DUSP26: variants seen among roughly 807,000 people sequenced by gnomAD.
DUSP26 encodes dual specificity protein phosphatase 26.
In DUSP26, 12 loss-of-function variants were observed where a neutral mutation model predicts 20.0. That is an observed-to-expected ratio of 0.60 (90% CI 0.38 to 0.97). The LOEUF (loss-of-function observed/expected upper bound fraction) is 0.97. Among genes scored for constraint, DUSP26 ranks in the 50% least tolerant of loss-of-function variants. DUSP26 has a pLI of 0.00. For missense variants in DUSP26, 230 were observed against 294.0 expected (o/e 0.78, Z 1.59); for synonymous variants, 120 against 118.8 (o/e 1.01, Z -0.06).
At chr8:33,595,570 G>A (rs914788023) in intron 2 of DUSP26, among the ~76,000 whole-genome samples, 2 of 151,872 alleles carry the variant, frequency 1.3e-5, no homozygotes, top group African/African-American at 4.8e-5. Flanking sequence ...TAGTAGAGAC[G>A]GGGTTTCACT....
At chr8:33,593,497 C>G (rs1180085621) in intron 3 of DUSP26, 36 bp downstream of exon 3, 2 of 1,596,504 alleles carry the variant, frequency 1.3e-6, no homozygotes. Context: ...ATTCCAGGCA[C>G]CCTGTTCTTT....
At chr8:33,592,615 G>T (rs1220691616) in intron 3 of DUSP26, among the ~76,000 whole-genome samples, 2 of 146,528 alleles carry the variant, frequency 1.4e-5, no homozygotes, top group Non-Finnish European at 3.0e-5. Flanking sequence ...GGTGCATGAA[G>T]ACAGGAATGG....
Position 33,593,691 on chromosome 8 carries a change from T to C in DUSP26, c.278A>G (p.Asn93Ser), listed in dbSNP as rs1158484779. The change falls in exon 3 of 4, where the codon AAT becomes AGT. Residue 93 changes from asparagine to serine, a missense_variant. Coordinates refer to ENST00000256261, the MANE Select transcript of DUSP26 (RefSeq NM_024025.3). ...LRRLGITHVL[N>S]ASHSRWRGTP... ...GCCTCGCCACCGGCTGTGTGAGGCA[T>C]TGAGGACGTGCGTGATGCCCAGGCG... The C allele has an allele frequency of 1.2e-6, 2 of 1,614,178 alleles. No individual in the cohort carries two copies. The highest frequency in any genetic ancestry group is 1.7e-6 in the Non-Finnish European group (2 of 1,180,026).
chr8:33,592,273 G>C, intron 3 of DUSP26, 61 bp from the exon 4 acceptor site: 1 of 1,478,078 alleles, frequency 6.8e-7, no homozygotes. Context: ...AGGAGGCTGG[G>C]GAAAGGGTGA....
chr8:33,591,881 G>T lies in DUSP26; in HGVS notation c.*132C>A. On this transcript the variant is annotated 3_prime_UTR_variant, in exon 4 of 4. Coordinates refer to ENST00000256261, the MANE Select transcript of DUSP26 (RefSeq NM_024025.3). Reference sequence around the variant, plus strand: ...CCACAAAGAGTGACAGTGGCCTGGGGCTCGGCCTCTCCTGACCCCAGGGGA... The same window carrying T: ...CCACAAAGAGTGACAGTGGCCTGGGTCTCGGCCTCTCCTGACCCCAGGGGA... The T allele has an allele frequency of 3.9e-6, 4 of 1,032,336 alleles. No individual in the cohort carries two copies. The South Asian group carries it at 4.8e-5, about 12-fold the overall frequency. The allele number at this position is 1,032,336 out of a possible 1,614,324, so 63.9% of individuals were successfully genotyped here.
intron 1 of DUSP26, among the ~76,000 whole-genome samples, chr8:33,598,664 T>C (rs933425603): frequency 1.3e-5 from 2 of 152,124 alleles, no homozygotes; most frequent in African/African-American, 4.8e-5. Context: ...GTGTCTCAGA[T>C]TACCTGTTGA....
chr8:33,594,541 G>A (rs1455809236), intron 2 of DUSP26, among the ~76,000 whole-genome samples: 3 of 151,194 alleles, frequency 2.0e-5, no homozygotes, highest in Non-Finnish European at 2.9e-5. Flanking sequence ...GCAGTGAGCC[G>A]AGATCGCACC....
intron 3 of DUSP26, among the ~76,000 whole-genome samples, chr8:33,592,538 C>CAAAAAAAAAAA (rs745687703): frequency 8.4e-5 from 2 of 23,764 alleles, no homozygotes; most frequent in African/African-American, 3.4e-4. Flanking sequence ...AACCCCATCT[C>CAAAAAAAAAAA]AAAAAAAAAA....
chr8:33,593,763 G>A lies in DUSP26; in HGVS notation c.222-16C>T. 6.2e-7 allele frequency: 1 copy of A among 1,608,882 alleles called. No individual in the cohort carries two copies. The highest frequency in any genetic ancestry group is 1.1e-5 in the South Asian group (1 of 91,006). Reference sequence around the variant, plus strand: ...AGCCATGTCCCTGCATTGAGTAGAGGTTAGAGGAAGGGTGGGAAAGCCAGG... The same window carrying A: ...AGCCATGTCCCTGCATTGAGTAGAGATTAGAGGAAGGGTGGGAAAGCCAGG... On this transcript the variant is annotated splice_polypyrimidine_tract_variant and intron_variant, in intron 2 of 3. Coordinates refer to ENST00000256261, the MANE Select transcript of DUSP26 (RefSeq NM_024025.3).
Position 33,597,609 on chromosome 8 carries a change from G to C in DUSP26, c.-76-18C>G. On this transcript the variant is annotated intron_variant, in intron 1 of 3. Coordinates refer to ENST00000256261, the MANE Select transcript of DUSP26 (RefSeq NM_024025.3). ...AGCTGCTGCTGGAAGAGGAAGGGGT[G>C]TGAGACACACTTGAGTGAGTCCAGA... 1 of 1,114,638 alleles carries C rather than the reference G, an allele frequency of 9.0e-7. No homozygotes were observed. Among genetic ancestry groups the C allele is most frequent in the South Asian group, 1.5e-5 (1 of 66,482 alleles). 69.0% of individuals were successfully genotyped at this position (1,114,638 alleles called of 1,614,324 possible).
At chr8:33,592,339 A>AG in intron 3 of DUSP26, 127 bp from the exon 4 acceptor site, 1 of 888,548 alleles carries the variant, frequency 1.1e-6, no homozygotes. Context: ...TGGAGGCCGA[A>AG]GGGGGAAGAT....
Position 33,591,976 on chromosome 8 carries a change from T to A in DUSP26, c.*37A>T, listed in dbSNP as rs1216698753. 6.2e-7 allele frequency: 1 copy of A among 1,608,208 alleles called. No homozygotes were observed. Among genetic ancestry groups the A allele is most frequent in the South Asian group, 1.1e-5 (1 of 90,876 alleles). On this transcript the variant is annotated 3_prime_UTR_variant, in exon 4 of 4. Transcript: ENST00000256261. ...TATCTCCAGCTGGGAGCCAGGGACCTACCCACGGGCCTGGCCTGACCTCTC... is the reference window on the plus strand; with the variant it reads ...TATCTCCAGCTGGGAGCCAGGGACCAACCCACGGGCCTGGCCTGACCTCTC...
intron 3 of DUSP26, among the ~76,000 whole-genome samples, chr8:33,592,513 A>C (rs1811045364): frequency 7.5e-6 from 1 of 133,758 alleles, no homozygotes; most frequent in African/African-American, 2.8e-5. Context: ...CACTCCACCC[A>C]GGCAACAAAA....
intron 1 of DUSP26, among the ~76,000 whole-genome samples, chr8:33,598,792 C>G (rs1168535727): frequency 6.6e-6 from 1 of 152,104 alleles, no homozygotes; most frequent in African/African-American, 2.4e-5. Context: ...TGTGGTCCTG[C>G]CTGTTTGAAA....
chr8:33,598,604 G>A (rs1201975971), intron 1 of DUSP26, among the ~76,000 whole-genome samples: 1 of 152,150 alleles, frequency 6.6e-6, no homozygotes, highest in African/African-American at 2.4e-5. Flanking sequence ...GGCTGTTGGA[G>A]TCAAGTGACC....
intron 1 of DUSP26, chr8:33,597,862 AC>A: frequency 7.1e-6 from 1 of 141,096 alleles, no homozygotes; most frequent in Non-Finnish European, 1.3e-5. Flanking sequence ...TCATCACCCC[AC>A]CCCCACTGCC....
Position 33,593,723 on chromosome 8 carries a change from C to A in DUSP26, c.246G>T (p.Glu82Asp). Reference protein sequence around the residue: ...GDQDMANNRRELRRLGITHVL... With the variant: ...GDQDMANNRRDLRRLGITHVL... ...CGTGCGTGATGCCCAGGCGGCGAAG[C>A]TCCCGGCGGTTGTTAGCCATGTCCC... Residue 82 changes from glutamate (E) to aspartate (D), a missense_variant, in exon 3 of 4, where the codon GAG becomes GAT. Coordinates refer to ENST00000256261, the MANE Select transcript of DUSP26 (RefSeq NM_024025.3). The A allele has an allele frequency of 1.2e-6, 2 of 1,614,214 alleles. No individual in the cohort carries two copies. Among genetic ancestry groups the A allele is most frequent in the Non-Finnish European group, 1.7e-6 (2 of 1,180,032 alleles).
In DUSP26 at chr8:33,594,788, A is replaced by G. The variant is rs1404046085; in HGVS notation, c.222-1041T>C. Among the ~76,000 whole-genome samples, 8 of 150,910 alleles carry G rather than the reference A, an allele frequency of 5.3e-5. 1 individual carries two copies. The South Asian group carries it at 1.1e-3, about 20-fold the overall frequency. On this transcript the variant is annotated intron_variant, in intron 2 of 3. Coordinates refer to ENST00000256261, the MANE Select transcript of DUSP26 (RefSeq NM_024025.3). ...TCCCAGGCTGAAGTGCAATGGTGCA[A>G]TCTCAGCTCACTGCAACCTCTGCCT... is the stretch of plus-strand genomic sequence containing the variant.
intron 3 of DUSP26, among the ~76,000 whole-genome samples, chr8:33,592,847 A>G (rs1811054531): frequency 1.3e-5 from 2 of 152,208 alleles, no homozygotes; most frequent in South Asian, 2.1e-4. Context: ...TCTCTCCACC[A>G]TTCTAGCTTG....
Sources: allele counts gnomAD v4.1 joint callset (sites outside exome capture counted in the v4.1 genomes callset), GRCh38; gene constraint gnomAD v4.1.1; transcripts MANE v1.5; gene names NCBI Gene and HGNC (gene_info 2026-07-23, HGNC 2026-07-21).